The following SLC71A2 variants were observed in gnomAD, a reference collection of about 807,000 sequenced individuals.
The protein encoded by SLC71A2 is hippocampus abundant transcript-like 1.
At chr9:94,385,692 T>C in the SLC71A2 span, among the ~76,000 whole-genome samples, 1 of 152,242 alleles carries the variant, frequency 6.6e-6, no homozygotes, top group Non-Finnish European at 1.5e-5. Flanking sequence ...GAGTTTGCAT[T>C]CTGTTCCATT....
At chr9:94,387,190 T>C in the SLC71A2 span, among the ~76,000 whole-genome samples, 33 of 152,294 alleles carry the variant, frequency 2.2e-4, 1 homozygote, top group African/African-American at 6.5e-4. Context: ...AAAGGCACTA[T>C]GTATGATGTA....
At chr9:94,390,071 G>C in the SLC71A2 span, among the ~76,000 whole-genome samples, 4 of 152,102 alleles carry the variant, frequency 2.6e-5, no homozygotes, top group African/African-American at 7.2e-5. Flanking sequence ...AAAATTAGCC[G>C]GGCGTGGTGG....
chr9:94,384,424 G>A, the SLC71A2 span, among the ~76,000 whole-genome samples: 5 of 148,114 alleles, frequency 3.4e-5, no homozygotes, highest in Admixed American at 3.4e-4. Context: ...GTGGAGCCTC[G>A]ACCTCCCCAG....
chr9:94,444,201 T>C, the SLC71A2 span, among the ~76,000 whole-genome samples: 1 of 152,214 alleles, frequency 6.6e-6, no homozygotes, highest in Admixed American at 6.5e-5. Flanking sequence ...ACCATCCAGA[T>C]TGTGTTCTAA....
chr9:94,410,345 C>G, the SLC71A2 span, among the ~76,000 whole-genome samples: 6 of 152,078 alleles, frequency 3.9e-5, no homozygotes, highest in African/African-American at 1.4e-4. Context: ...AATCTCCCAC[C>G]TGCCACCTGA....
At chr9:94,375,229 C>T in the SLC71A2 span, among the ~76,000 whole-genome samples, 4 of 151,892 alleles carry the variant, frequency 2.6e-5, no homozygotes, top group African/African-American at 7.3e-5. Flanking sequence ...AACAGTTTTC[C>T]TGGCGCAGTT....
the SLC71A2 span, among the ~76,000 whole-genome samples, chr9:94,414,547 G>A: frequency 2.0e-5 from 3 of 152,298 alleles, no homozygotes; most frequent in East Asian, 3.9e-4. Flanking sequence ...TAAGGAACAC[G>A]TAATTCGTAA....
the SLC71A2 span, among the ~76,000 whole-genome samples, chr9:94,419,348 G>A: frequency 6.8e-6 from 1 of 147,854 alleles, no homozygotes; most frequent in South Asian, 2.1e-4. Flanking sequence ...AGGCTGGAGT[G>A]CAGTGGCGGA....
the SLC71A2 span, among the ~76,000 whole-genome samples, chr9:94,401,325 C>T: frequency 6.6e-6 from 1 of 152,138 alleles, no homozygotes. Context: ...GCGTCCGCCA[C>T]CACAACCAGC....
the SLC71A2 span, among the ~76,000 whole-genome samples, chr9:94,391,197 CAAA>C: frequency 1.7e-5 from 1 of 59,072 alleles, no homozygotes; most frequent in Non-Finnish European, 3.5e-5. Flanking sequence ...ATGTCTCTAC[CAAA>C]AAAAAAAAAA....
the SLC71A2 span, chr9:94,438,529 G>C: frequency 6.2e-7 from 1 of 1,605,898 alleles, no homozygotes; most frequent in Non-Finnish European, 8.5e-7. Flanking sequence ...TCAGCCCATG[G>C]TGAGTGACTT....
the SLC71A2 span, among the ~76,000 whole-genome samples, chr9:94,422,696 A>G: frequency 1.3e-5 from 2 of 152,154 alleles, no homozygotes; most frequent in Admixed American, 6.6e-5. Context: ...CTAACGACCA[A>G]TGAAGTTAAC....
chr9:94,431,368 C>A, the SLC71A2 span, among the ~76,000 whole-genome samples: 1 of 150,862 alleles, frequency 6.6e-6, no homozygotes, highest in African/African-American at 2.4e-5. Context: ...CATTGTAGTT[C>A]GTTATTTTCA....
chr9:94,408,930 G>T, the SLC71A2 span, among the ~76,000 whole-genome samples: 1 of 150,254 alleles, frequency 6.7e-6, no homozygotes, highest in Non-Finnish European at 1.5e-5. Context: ...GGGTTCAAGC[G>T]ATTCTCCTGC....
the SLC71A2 span, among the ~76,000 whole-genome samples, chr9:94,437,913 G>T: frequency 1.4e-3 from 209 of 145,896 alleles, no homozygotes; most frequent in African/African-American, 3.9e-3. Context: ...TTACATTTTT[G>T]GTTATAATTT....
the SLC71A2 span, among the ~76,000 whole-genome samples, chr9:94,396,922 C>T: frequency 5.3e-5 from 8 of 152,146 alleles, 1 homozygote; most frequent in South Asian, 2.1e-4. Context: ...AGGCATGCGC[C>T]GCCACACCCA....
the SLC71A2 span, among the ~76,000 whole-genome samples, chr9:94,442,422 T>G: frequency 2.6e-5 from 4 of 152,130 alleles, no homozygotes; most frequent in African/African-American, 9.7e-5. Context: ...GCTTCTTCCC[T>G]CCACTCCTGA....
At chr9:94,427,189 T>C in the SLC71A2 span, among the ~76,000 whole-genome samples, 2 of 152,220 alleles carry the variant, frequency 1.3e-5, no homozygotes, top group African/African-American at 4.8e-5. Flanking sequence ...AGAATATATG[T>C]TTTATTTACA....
the SLC71A2 span, among the ~76,000 whole-genome samples, chr9:94,395,333 ATTTCT>A: frequency 6.6e-6 from 1 of 152,090 alleles, no homozygotes; most frequent in South Asian, 2.1e-4. Flanking sequence ...TATATTCTTG[ATTTCT>A]TAACTTGCTC....
Sources: allele counts gnomAD v4.1 joint callset (sites outside exome capture counted in the v4.1 genomes callset), GRCh38; gene constraint gnomAD v4.1.1; transcripts MANE v1.5; gene names NCBI Gene and HGNC (gene_info 2026-07-23, HGNC 2026-07-21).